The following CKAP5 variants were observed in gnomAD, a reference collection of about 807,000 sequenced individuals.
CKAP5 encodes cytoskeleton-associated protein 5.
CKAP5 carries 27 observed loss-of-function variants against 232.8 expected under a neutral mutation model. That is an observed-to-expected ratio of 0.12 (90% CI 0.09 to 0.16). CKAP5 has a LOEUF of 0.16. CKAP5 is among the 10% of genes least tolerant of loss of function. CKAP5 has a pLI of 1.00. For synonymous variants in CKAP5, 785 were observed against 841.1 expected, an observed-to-expected ratio of 0.93 and a Z score of 1.16; for missense variants, 1,838 against 2,424.7, an observed-to-expected ratio of 0.76 and a Z score of 5.08.
chr11:46,758,876 C>T (rs757279250), intron 35 of CKAP5, 47 bp downstream of exon 35: 8 of 1,607,054 alleles, frequency 5.0e-6, no homozygotes, highest in African/African-American at 4.0e-5. Flanking sequence ...CATTTATAGC[C>T]TCTATGTCCA....
chr11:46,768,723 A>T (rs1295075824), intron 26 of CKAP5, among the ~76,000 whole-genome samples: 1 of 151,920 alleles, frequency 6.6e-6, no homozygotes, highest in African/African-American at 2.4e-5. Flanking sequence ...CTGGGACCAC[A>T]GGTGTGCGCC....
chr11:46,773,087 G>A (rs1184236779), intron 24 of CKAP5, among the ~76,000 whole-genome samples: 2 of 152,110 alleles, frequency 1.3e-5, no homozygotes, highest in African/African-American at 4.8e-5. Context: ...TTATGCAGAT[G>A]CTTATATCAA....
chr11:46,752,185 TATATATATACAC>T (rs1444775838), intron 38 of CKAP5, among the ~76,000 whole-genome samples: 147 of 68,476 alleles, frequency 2.1e-3, no homozygotes, highest in African/African-American at 5.9e-3. Context: ...TATATATATA[TATATATATACAC>T]ACACACACAC....
intron 1 of CKAP5, among the ~76,000 whole-genome samples, chr11:46,826,355 G>A (rs1477694382): frequency 6.6e-6 from 1 of 152,164 alleles, no homozygotes; most frequent in Non-Finnish European, 1.5e-5. Flanking sequence ...ACTGTACCAA[G>A]GTAGCTGAAA....
At chr11:46,831,224 AT>A (rs1939784791) in intron 1 of CKAP5, among the ~76,000 whole-genome samples, 1 of 152,002 alleles carries the variant, frequency 6.6e-6, no homozygotes, top group Non-Finnish European at 1.5e-5. Flanking sequence ...ATGTTTTTGT[AT>A]TTTTTATATT....
Position 46,751,369 on chromosome 11 carries a change from A to C in CKAP5, c.5299T>G (p.Leu1767Val). 6.2e-7 allele frequency: 1 copy of C among 1,613,918 alleles called. No homozygotes were observed. The change falls in exon 39 of 44, where the codon TTA becomes GTA. Residue 1767 changes from leucine (L) to valine (V), a missense_variant. Physicochemically the swap from Leu to Val is conservative, Grantham distance 32. Transcript: ENST00000529230. The part of the protein sequence containing the change: ...IRTLKTLLHT[L>V]CKLKGPKILD... ...ACCTTGGGCCCTTTTAATTTGCATA[A>C]GGTGTGTAGCAGGGTCTTTAGGGTC...
At chr11:46,752,183 T>TATATATATATATATATATAC (rs2065070378) in intron 38 of CKAP5, among the ~76,000 whole-genome samples, 1 of 65,662 alleles carries the variant, frequency 1.5e-5, no homozygotes, top group Non-Finnish European at 3.3e-5. Context: ...TATATATATA[T>TATATATATATATATATATAC]ATATATATAT....
At chr11:46,844,754 G>C (rs1940139821) in intron 1 of CKAP5, among the ~76,000 whole-genome samples, 1 of 151,932 alleles carries the variant, frequency 6.6e-6, no homozygotes, top group Admixed American at 6.6e-5. Context: ...TGATTCTCTT[G>C]CCTCGGCCTC....
chr11:46,778,416 C>G, intron 21 of CKAP5, 44 bp downstream of exon 21: 1 of 1,611,852 alleles, frequency 6.2e-7, no homozygotes. Context: ...ATTCTGAATT[C>G]AATACAATGA....
At chr11:46,789,225 C>T (rs769655541) in intron 15 of CKAP5, among the ~76,000 whole-genome samples, 4 of 152,200 alleles carry the variant, frequency 2.6e-5, no homozygotes, top group African/African-American at 4.8e-5. Context: ...GGGCAGCAGA[C>T]GCAGGACTAG....
intron 42 of CKAP5, 108 bp downstream of exon 42, chr11:46,750,166 A>AT: frequency 9.1e-7 from 1 of 1,098,022 alleles, no homozygotes; most frequent in Non-Finnish European, 1.3e-6. Flanking sequence ...TTTGGTGACC[A>AT]TTAAGTATTG....
chr11:46,814,412 A>T (rs1216866923), intron 4 of CKAP5, among the ~76,000 whole-genome samples: 2 of 152,176 alleles, frequency 1.3e-5, no homozygotes, highest in Admixed American at 6.5e-5. Flanking sequence ...AATATTAAAG[A>T]CCTATAAATC....
At chr11:46,800,432 A>G (rs939035363) in intron 9 of CKAP5, among the ~76,000 whole-genome samples, 3 of 152,214 alleles carry the variant, frequency 2.0e-5, no homozygotes, top group Non-Finnish European at 4.4e-5. Flanking sequence ...GGAAACTCCT[A>G]AGTCAGTCTA....
chr11:46,789,953 A>G, intron 15 of CKAP5, 123 bp downstream of exon 15: 1 of 595,308 alleles, frequency 1.7e-6, no homozygotes, highest in Non-Finnish European at 3.0e-6. Flanking sequence ...CTCATCTTTA[A>G]TGCCATAAAA....
chr11:46,844,017 T>C (rs995572606), intron 1 of CKAP5, among the ~76,000 whole-genome samples: 3 of 152,014 alleles, frequency 2.0e-5, no homozygotes, highest in Non-Finnish European at 4.4e-5. Flanking sequence ...GGTCAGGAGT[T>C]CGAGACCAGC....
chr11:46,818,067 G>C (rs1470376580), intron 3 of CKAP5, among the ~76,000 whole-genome samples: 1 of 152,004 alleles, frequency 6.6e-6, no homozygotes, highest in East Asian at 1.9e-4. Context: ...AAACCACTTG[G>C]TCATCAAACC....
chr11:46,776,840 T>TATTAA (rs10684129), intron 23 of CKAP5, among the ~76,000 whole-genome samples: 146,951 of 151,788 alleles, frequency 0.97, 71,239 homozygotes, highest in East Asian at 1. Flanking sequence ...GCACAAATTA[T>TATTAA]ATTAAATAAA....
intron 27 of CKAP5, among the ~76,000 whole-genome samples, chr11:46,766,087 G>C (rs370561840): frequency 6.6e-6 from 1 of 152,064 alleles, no homozygotes; most frequent in Non-Finnish European, 1.5e-5. Context: ...CAGATAGAAA[G>C]AAAATAGTAA....
chr11:46,787,452 C>T (rs952043973), intron 16 of CKAP5, among the ~76,000 whole-genome samples: 1 of 152,124 alleles, frequency 6.6e-6, no homozygotes, highest in Non-Finnish European at 1.5e-5. Flanking sequence ...TCTCATTTTC[C>T]TTCCTGCAGC....
Sources: allele counts gnomAD v4.1 joint callset (sites outside exome capture counted in the v4.1 genomes callset), GRCh38; gene constraint gnomAD v4.1.1; transcripts MANE v1.5; gene names NCBI Gene and HGNC (gene_info 2026-07-23, HGNC 2026-07-21).